Variants in SSBP2 observed in about 807,000 individuals in gnomAD.
SSBP2 encodes the protein single stranded DNA binding protein 2.
Under a neutral mutation model 61.8 loss-of-function variants are expected in SSBP2, and 17 were observed. The ratio of observed to expected loss-of-function variants is 0.28; its 90% confidence interval spans 0.19 to 0.41. The LOEUF is 0.41. Ranked by LOEUF, SSBP2 falls within the 10% of genes least tolerant of loss-of-function variation. The pLI is 1.00. For synonymous variants in SSBP2, 139 were observed against 141.3 expected (o/e 0.98, Z 0.12); for missense variants, 310 against 458.7 (o/e 0.68, Z 2.96).
At chr5:81,470,388 A>G (rs1456195820) in intron 8 of SSBP2, among the ~76,000 whole-genome samples, 3 of 151,888 alleles carry the variant, frequency 2.0e-5, no homozygotes, top group Admixed American at 6.6e-5. Flanking sequence ...CACTTTAAAA[A>G]TAATGTACCA....
rs569299703 is a variant in SSBP2, at chr5:81,614,252, T to C, written c.282+1221A>G. 6.5e-3 allele frequency among the ~76,000 whole-genome samples: 956 copies of C among 146,606 alleles called. 5 individuals are homozygous for C. The highest frequency in any genetic ancestry group is 0.021 in the African/African-American group (835 of 39,792). ...GCGGGCGCCTGTAATCCCAGCTACT[T>C]GGGAGGCTGAGGCAGGAGAATGGCG... On this transcript the variant is annotated intron_variant, in intron 4 of 16. Transcript: ENST00000320672.
At chr5:81,703,385 T>C (rs1754127840) in intron 1 of SSBP2, among the ~76,000 whole-genome samples, 2 of 151,990 alleles carry the variant, frequency 1.3e-5, no homozygotes, top group Admixed American at 1.3e-4. Context: ...CAGTGCTTGT[T>C]AGATGGACAC....
At chr5:81,607,170 T>C (rs1744963366) in intron 4 of SSBP2, among the ~76,000 whole-genome samples, 1 of 152,180 alleles carries the variant, frequency 6.6e-6, no homozygotes, top group Admixed American at 6.5e-5. Context: ...TTTCCTTTAT[T>C]TTCCCTTCTC....
At chr5:81,425,251 C>T (rs542485032) in intron 16 of SSBP2, among the ~76,000 whole-genome samples, 1 of 152,254 alleles carries the variant, frequency 6.6e-6, no homozygotes, top group East Asian at 1.9e-4. Flanking sequence ...TTAATTCTCA[C>T]TATATTTCTG....
chr5:81,637,648 G>C (rs1748362070), intron 2 of SSBP2, among the ~76,000 whole-genome samples: 1 of 152,142 alleles, frequency 6.6e-6, no homozygotes, highest in African/African-American at 2.4e-5. Flanking sequence ...ATAAAATGTG[G>C]TTAATAATAG....
chr5:81,624,510 G>A (rs1020275736), intron 3 of SSBP2, among the ~76,000 whole-genome samples: 1 of 151,978 alleles, frequency 6.6e-6, no homozygotes, highest in African/African-American at 2.4e-5. Context: ...AATTCTAAAA[G>A]GCTCTAATAA....
At chr5:81,672,338 C>T (rs1435447304) in intron 1 of SSBP2, among the ~76,000 whole-genome samples, 1 of 151,736 alleles carries the variant, frequency 6.6e-6, no homozygotes, top group African/African-American at 2.4e-5. Context: ...AACTTAGTAA[C>T]CAAAATCATA....
intron 6 of SSBP2, among the ~76,000 whole-genome samples, chr5:81,479,962 C>A (rs2154030203): frequency 6.6e-6 from 1 of 152,238 alleles, no homozygotes; most frequent in South Asian, 2.1e-4. Context: ...ATGACCAGCA[C>A]CCTTCACCAG....
At chr5:81,650,379 T>TA in intron 1 of SSBP2, 40 bp from the exon 2 acceptor site, 1 of 1,358,526 alleles carries the variant, frequency 7.4e-7, no homozygotes, top group Non-Finnish European at 1.0e-6. Flanking sequence ...AGAGGAATAT[T>TA]AAAATTCATT....
intron 5 of SSBP2, among the ~76,000 whole-genome samples, chr5:81,492,957 G>C (rs572995213): frequency 1.3e-5 from 2 of 151,918 alleles, no homozygotes; most frequent in Non-Finnish European, 2.9e-5. Flanking sequence ...AGTGTGTGTG[G>C]GTGAGGCAGG....
chr5:81,431,460 T>C (rs1008799043), intron 15 of SSBP2, among the ~76,000 whole-genome samples: 1 of 152,046 alleles, frequency 6.6e-6, no homozygotes, highest in African/African-American at 2.4e-5. Flanking sequence ...TTTATATACA[T>C]ATATATATAC....
chr5:81,463,965 C>T (rs1187379490), intron 9 of SSBP2, among the ~76,000 whole-genome samples: 1 of 151,830 alleles, frequency 6.6e-6, no homozygotes, highest in Non-Finnish European at 1.5e-5. Flanking sequence ...GATGGGGTCT[C>T]CCTATGTTGC....
At chr5:81,604,980 C>T (rs1252838018) in intron 4 of SSBP2, among the ~76,000 whole-genome samples, 5 of 151,968 alleles carry the variant, frequency 3.3e-5, no homozygotes, top group Admixed American at 1.3e-4. Flanking sequence ...TTAATTGAAA[C>T]TCCCCAAAGA....
chr5:81,459,315 A>G (rs1764381793), intron 10 of SSBP2, among the ~76,000 whole-genome samples: 2 of 152,188 alleles, frequency 1.3e-5, no homozygotes, highest in Admixed American at 1.3e-4. Context: ...CCTTGGTACA[A>G]TGAAACATCC....
At position 81,419,895 on chromosome 5, in the gene SSBP2, A is replaced by G. The variant is rs1761491199; in HGVS notation, c.*609T>C. 6.6e-6 allele frequency: 1 copy of G among 152,272 alleles called. No individual in the cohort carries two copies. Among genetic ancestry groups the G allele is most frequent in the Non-Finnish European group, 1.5e-5 (1 of 68,036 alleles). 9.4% of individuals were successfully genotyped at this position (152,272 alleles called of 1,614,324 possible). A position where few individuals can be genotyped will look rare whatever the true frequency, so the allele number is the denominator to read the frequency against. On this transcript the variant is annotated 3_prime_UTR_variant, in exon 17 of 17. Coordinates refer to ENST00000320672, the MANE Select transcript of SSBP2 (RefSeq NM_012446.5). Reference sequence around the variant, plus strand: ...TTTCTTCTATTTTTTGAGACAGTACACTTTGTGATTCACAGGATAACTTGC... The same window carrying G: ...TTTCTTCTATTTTTTGAGACAGTACGCTTTGTGATTCACAGGATAACTTGC...
chr5:81,578,892 A>G (rs959047447), intron 4 of SSBP2, among the ~76,000 whole-genome samples: 13 of 152,036 alleles, frequency 8.6e-5, no homozygotes, highest in African/African-American at 3.1e-4. Context: ...GTAACAATCT[A>G]TCCTTCTCTG....
chr5:81,419,813 C>T lies in SSBP2; in HGVS notation c.*691G>A, dbSNP rs1337618353. 4 of 152,170 alleles carry T rather than the reference C, an allele frequency of 2.6e-5. No individual in the cohort carries two copies. Among genetic ancestry groups the T allele is most frequent in the African/African-American group, 9.7e-5 (4 of 41,444 alleles). The allele number at this position is 152,170 out of a possible 1,614,324, so 9.4% of individuals were successfully genotyped here. A position where few individuals can be genotyped will look rare whatever the true frequency, so the allele number is the denominator to read the frequency against. ...TTCTCAAATAAAAATTAAAAAAATA[C>T]TTTTCACTGAAGGTAACTGAGAAAT... On this transcript the variant is annotated 3_prime_UTR_variant, in exon 17 of 17. Coordinates refer to ENST00000320672, the MANE Select transcript of SSBP2 (RefSeq NM_012446.5).
At chr5:81,696,198 A>G (rs915533108) in intron 1 of SSBP2, among the ~76,000 whole-genome samples, 3 of 152,164 alleles carry the variant, frequency 2.0e-5, no homozygotes, top group East Asian at 1.9e-4. Context: ...CTCCACCCCA[A>G]TACTATTCCA....
At chr5:81,549,170 T>C (rs1272128878) in intron 4 of SSBP2, among the ~76,000 whole-genome samples, 1 of 152,208 alleles carries the variant, frequency 6.6e-6, no homozygotes, top group African/African-American at 2.4e-5. Flanking sequence ...ACCCATAATG[T>C]TGAAGACTTA....
Sources: allele counts gnomAD v4.1 joint callset (sites outside exome capture counted in the v4.1 genomes callset), GRCh38; gene constraint gnomAD v4.1.1; transcripts MANE v1.5; gene names NCBI Gene and HGNC (gene_info 2026-07-23, HGNC 2026-07-21).